The following UBE2E1 variants were observed in gnomAD, a reference collection of about 807,000 sequenced individuals.
UBE2E1 encodes the protein ubiquitin conjugating enzyme E2 E1, also known as ubiquitin-conjugating enzyme E2 E1.
In UBE2E1, 6 loss-of-function variants were observed where a neutral mutation model predicts 21.4. The observed-to-expected ratio is 0.28, with a 90% CI of 0.15 to 0.55. The LOEUF (loss-of-function observed/expected upper bound fraction) is 0.55, where lower values mean the gene tolerates loss of function less well. Ranked by LOEUF, UBE2E1 falls within the 20% of genes least tolerant of loss-of-function variation. The probability of loss-of-function intolerance (pLI) is 0.93; values close to 1 mark genes in which losing one functional copy is unlikely to be tolerated. For synonymous variants in UBE2E1, 87 were observed against 82.7 expected (o/e 1.05, Z -0.28); for missense variants, 142 against 236.5 (o/e 0.60, Z 2.62).
rs56041132 is a variant in UBE2E1, at chr3:23,842,250, G to GTGT, written c.203+30752_203+30754dup. Among the ~76,000 whole-genome samples the GTGT allele has an allele frequency of 0.25, 21,420 of 84,554 alleles. 4,314 individuals are homozygous for GTGT. Among genetic ancestry groups the GTGT allele is most frequent in the South Asian group, 0.34 (772 of 2,258 alleles). 55.5% of individuals were successfully genotyped at this position (84,554 alleles called of 152,430 possible). A position where few individuals can be genotyped will look rare whatever the true frequency, so the allele number is the denominator to read the frequency against. ...GTGTGTGTGTGTGTGTGTGTGTGTG[G>GTGT]TGTTGTTGTTGTTGGCGACAGGGTC... On this transcript the variant is annotated intron_variant, in intron 3 of 5. Transcript: ENST00000306627. The surrounding 1 kb of genome is among the most constrained non-coding windows in gnomAD (Gnocchi z 4.6).
intron 3 of UBE2E1, among the ~76,000 whole-genome samples, chr3:23,814,704 GC>G (rs559674441): frequency 1.3e-5 from 2 of 152,134 alleles, no homozygotes; most frequent in Non-Finnish European, 2.9e-5. Flanking sequence ...AGTCAGTTTT[GC>G]AGCTGTTATT....
intron 4 of UBE2E1, among the ~76,000 whole-genome samples, chr3:23,888,885 A>T (rs963134385): frequency 1.3e-5 from 2 of 152,238 alleles, no homozygotes; most frequent in African/African-American, 4.8e-5. Flanking sequence ...CTAAAGATGA[A>T]ATTAGGAAGT....
intron 3 of UBE2E1, among the ~76,000 whole-genome samples, chr3:23,819,307 A>G (rs576311505): frequency 1.3e-5 from 2 of 152,270 alleles, no homozygotes; most frequent in East Asian, 3.9e-4. Flanking sequence ...AAATAAATAA[A>G]TAAATTGCTA....
chr3:23,809,208 G>GA (rs1303364516), intron 2 of UBE2E1, among the ~76,000 whole-genome samples: 1 of 152,184 alleles, frequency 6.6e-6, no homozygotes, highest in Non-Finnish European at 1.5e-5. Context: ...TAATCTTGCT[G>GA]AAAGAGTAGC....
At position 23,842,420 on chromosome 3, in the gene UBE2E1, A is replaced by T. The variant is rs541432327; in HGVS notation, c.203+30910A>T. Among the ~76,000 whole-genome samples, 7 of 151,688 alleles carry T rather than the reference A, an allele frequency of 4.6e-5. No individual in the cohort carries two copies. The highest frequency in any genetic ancestry group is 1.7e-4 in the African/African-American group (7 of 41,254). ...GCCACGATTCCCAGCTAATTTTTCTATTTTTTTGTGGAGACGGAGTCGTGC... is the reference window on the plus strand; with the variant it reads ...GCCACGATTCCCAGCTAATTTTTCTTTTTTTTTGTGGAGACGGAGTCGTGC... On this transcript the variant is annotated intron_variant, in intron 3 of 5. Coordinates refer to ENST00000306627, the MANE Select transcript of UBE2E1 (RefSeq NM_003341.5). This position sits in a 1 kb window ranked among gnomAD's most constrained non-coding sequence, Gnocchi z 4.6.
chr3:23,851,340 G>A (rs182383408), intron 3 of UBE2E1, among the ~76,000 whole-genome samples: 9 of 152,170 alleles, frequency 5.9e-5, no homozygotes, highest in East Asian at 1.9e-4. Context: ...CTCTAGCTTC[G>A]TTCTTTTTAA....
intron 3 of UBE2E1, among the ~76,000 whole-genome samples, chr3:23,835,413 G>T (rs1559480645): frequency 1.3e-5 from 2 of 152,128 alleles, no homozygotes; most frequent in Non-Finnish European, 2.9e-5. Context: ...GGCTAAGTGA[G>T]CTAGGATCAT....
At chr3:23,852,748 A>G (rs1027490127) in intron 3 of UBE2E1, among the ~76,000 whole-genome samples, 1 of 151,828 alleles carries the variant, frequency 6.6e-6, no homozygotes, top group Non-Finnish European at 1.5e-5. Context: ...GGCACGTGCC[A>G]CTGCACCCAG....
chr3:23,837,221 C>T (rs1017132285), intron 3 of UBE2E1, among the ~76,000 whole-genome samples: 2 of 152,174 alleles, frequency 1.3e-5, no homozygotes, highest in African/African-American at 2.4e-5. Context: ...ATTATTTTCA[C>T]CTCAGTTATA....
chr3:23,830,974 G>T (rs1157754127), intron 3 of UBE2E1, among the ~76,000 whole-genome samples: 1 of 152,160 alleles, frequency 6.6e-6, no homozygotes, highest in Non-Finnish European at 1.5e-5. Context: ...TCAACATTAA[G>T]GTTATGTGCA....
At chr3:23,826,535 C>A (rs1559478308) in intron 3 of UBE2E1, among the ~76,000 whole-genome samples, 4 of 152,164 alleles carry the variant, frequency 2.6e-5, no homozygotes, top group Non-Finnish European at 5.9e-5. Context: ...AGCTTGGAAA[C>A]AGGGAACCTC....
In UBE2E1 at chr3:23,829,618, G is replaced by C. The variant is rs564470061; in HGVS notation, c.203+18108G>C. 2.0e-5 allele frequency among the ~76,000 whole-genome samples: 3 copies of C among 152,216 alleles called. No homozygotes were observed. In the East Asian group the frequency reaches 5.8e-4, roughly 29 times the overall value. On this transcript the variant is annotated intron_variant, in intron 3 of 5. Coordinates refer to ENST00000306627, the MANE Select transcript of UBE2E1 (RefSeq NM_003341.5). ...CCATACCTGCCCCTCTCCTGGAAAA[G>C]TGCTGAAGTGGGAAAGTTTACAGAT...
At position 23,806,476 on chromosome 3, in the gene UBE2E1, G is replaced by A. The variant is rs1376461410; in HGVS notation, c.-34+388G>A. On this transcript the variant is annotated intron_variant, in intron 1 of 5. Coordinates refer to ENST00000306627, the MANE Select transcript of UBE2E1 (RefSeq NM_003341.5). This position sits in a 1 kb window ranked among gnomAD's most constrained non-coding sequence, Gnocchi z 6.5. ...GGGATTAACCCCTCCGGGGCGGAAGGGCTCATTGTTATGTCTTCGCTGCGG... is the reference window on the plus strand; with the variant it reads ...GGGATTAACCCCTCCGGGGCGGAAGAGCTCATTGTTATGTCTTCGCTGCGG... 6.6e-6 allele frequency among the ~76,000 whole-genome samples: 1 copy of A among 151,838 alleles called. No homozygotes were observed. The highest frequency in any genetic ancestry group is 6.5e-5 in the Admixed American group (1 of 15,278).
chr3:23,849,439 A>G (rs1239229236), intron 3 of UBE2E1, among the ~76,000 whole-genome samples: 1 of 152,198 alleles, frequency 6.6e-6, no homozygotes, highest in African/African-American at 2.4e-5. Flanking sequence ...TGCTGCACCT[A>G]TCAACCTGTC....
chr3:23,810,295 TATTA>T lies in UBE2E1; in HGVS notation c.153-1161_153-1158del. On this transcript the variant is annotated intron_variant, in intron 2 of 5. Transcript: ENST00000306627. The surrounding 1 kb of genome is among the most constrained non-coding windows in gnomAD (Gnocchi z 5.8). ...GAAGCTTAGAGGCCCTAAACTGTCG[TATTA>T]ATTGATGCTCTAAGTGCCTAGGTAA... 2 of 725,180 alleles carry T rather than the reference TATTA, an allele frequency of 2.8e-6. No homozygotes were observed. The highest frequency in any genetic ancestry group is 2.4e-5 in the Admixed American group (1 of 41,836). The allele number at this position is 725,180 out of a possible 1,614,324, so 44.9% of individuals were successfully genotyped here. A position where few individuals can be genotyped will look rare whatever the true frequency, so the allele number is the denominator to read the frequency against.
chr3:23,861,079 G>A (rs1391171864), intron 3 of UBE2E1, among the ~76,000 whole-genome samples: 1 of 152,196 alleles, frequency 6.6e-6, no homozygotes, highest in Admixed American at 6.5e-5. Context: ...GAAAAAGACA[G>A]TTTGCATTCC....
intron 3 of UBE2E1, among the ~76,000 whole-genome samples, chr3:23,865,069 A>G (rs934184026): frequency 6.6e-6 from 1 of 152,242 alleles, no homozygotes; most frequent in Non-Finnish European, 1.5e-5. Flanking sequence ...CACATTTAGT[A>G]TCTCACAGTT....
At chr3:23,828,612 A>G (rs1474246981) in intron 3 of UBE2E1, among the ~76,000 whole-genome samples, 1 of 152,222 alleles carries the variant, frequency 6.6e-6, no homozygotes, top group Non-Finnish European at 1.5e-5. Context: ...TATTTGACTC[A>G]AATTACAAAC....
chr3:23,817,071 T>C (rs1699537785), intron 3 of UBE2E1, among the ~76,000 whole-genome samples: 1 of 152,232 alleles, frequency 6.6e-6, no homozygotes, highest in Non-Finnish European at 1.5e-5. Context: ...AAAATGCTTA[T>C]AGCTTAGAAG....
Sources: allele counts gnomAD v4.1 joint callset (sites outside exome capture counted in the v4.1 genomes callset), GRCh38; gene constraint gnomAD v4.1.1; non-coding constraint Gnocchi (gnomAD v3.1); transcripts MANE v1.5; gene names NCBI Gene and HGNC (gene_info 2026-07-23, HGNC 2026-07-21).